The following GFOD1 variants were observed in gnomAD, a reference collection of about 807,000 sequenced individuals.
GFOD1 encodes Gfo/Idh/MocA-like oxidoreductase domain containing 1, also known as glucose-fructose oxidoreductase domain-containing protein 1.
Under a neutral mutation model 25.4 loss-of-function variants are expected in GFOD1, and 9 were observed. The ratio of observed to expected loss-of-function variants is 0.35; its 90% confidence interval spans 0.21 to 0.62. The LOEUF is 0.62. GFOD1 is among the 20% of genes least tolerant of loss of function. The pLI is 0.72. For missense variants in GFOD1, 403 were observed against 556.9 expected (o/e 0.72, Z 2.78); for synonymous variants, 253 against 245.6 (o/e 1.03, Z -0.28).
chr6:13,418,706 C>T (rs1466574681), intron 1 of GFOD1, among the ~76,000 whole-genome samples: 2 of 152,192 alleles, frequency 1.3e-5, no homozygotes, highest in East Asian at 3.8e-4. Flanking sequence ...AGCTGGCACA[C>T]ATCTTAGAAA....
intron 1 of GFOD1, among the ~76,000 whole-genome samples, chr6:13,414,109 T>A (rs1786124825): frequency 6.6e-6 from 1 of 152,188 alleles, no homozygotes; most frequent in Non-Finnish European, 1.5e-5. Flanking sequence ...GTAGGCTGCC[T>A]CTTCAGCAGA....
chr6:13,487,011 C>A lies in GFOD1; in HGVS notation c.-121G>T, dbSNP rs1758888326. On this transcript the variant is annotated 5_prime_UTR_variant, in exon 1 of 2. Coordinates refer to ENST00000379287, the MANE Select transcript of GFOD1 (RefSeq NM_018988.4). The surrounding 1 kb of genome is among the most constrained non-coding windows in gnomAD (Gnocchi z 4.9). ...AGCCAATCTAGCCGCGGTGCGCCAG[C>A]CGCCGTGCACCGGGCAAGGCGCCCG... 1.6e-6 allele frequency: 2 copies of A among 1,252,166 alleles called. No homozygotes were observed. Among genetic ancestry groups the A allele is most frequent in the East Asian group, 5.0e-5 (2 of 40,080 alleles). The allele number at this position is 1,252,166 out of a possible 1,614,324, so 77.6% of individuals were successfully genotyped here. A position where few individuals can be genotyped will look rare whatever the true frequency, so the allele number is the denominator to read the frequency against.
chr6:13,371,316 G>A (rs1264438590), intron 1 of GFOD1, among the ~76,000 whole-genome samples: 2 of 152,138 alleles, frequency 1.3e-5, no homozygotes, highest in African/African-American at 4.8e-5. Flanking sequence ...AGCCTAAGGA[G>A]GCCATCTGCA....
intron 1 of GFOD1, among the ~76,000 whole-genome samples, chr6:13,414,175 C>T (rs745839706): frequency 5.3e-5 from 8 of 152,380 alleles, no homozygotes; most frequent in Middle Eastern, 6.8e-3. Flanking sequence ...TAAGTACCCA[C>T]TAACAAGCTA....
chr6:13,366,963 CAG>C (rs2127554933), intron 1 of GFOD1, among the ~76,000 whole-genome samples: 1 of 151,656 alleles, frequency 6.6e-6, no homozygotes, highest in Non-Finnish European at 1.5e-5. Flanking sequence ...ACATTTTAAA[CAG>C]AAATAGATTT....
intron 1 of GFOD1, among the ~76,000 whole-genome samples, chr6:13,428,748 G>A (rs1179902736): frequency 6.6e-6 from 1 of 152,106 alleles, no homozygotes; most frequent in Non-Finnish European, 1.5e-5. Flanking sequence ...GTACTTCTGC[G>A]GCCACTCTCA....
chr6:13,368,369 G>C (rs1038027753), intron 1 of GFOD1, among the ~76,000 whole-genome samples: 2 of 152,180 alleles, frequency 1.3e-5, no homozygotes, highest in African/African-American at 4.8e-5. Flanking sequence ...GAGGACTGAG[G>C]CTCCGGCAGA....
chr6:13,477,706 G>GT (rs1273007554), intron 1 of GFOD1, among the ~76,000 whole-genome samples: 2 of 152,010 alleles, frequency 1.3e-5, no homozygotes, highest in Non-Finnish European at 2.9e-5. Context: ...TTCTTTCACT[G>GT]TTTTGCTATG....
At chr6:13,422,307 T>C (rs146451161) in intron 1 of GFOD1, among the ~76,000 whole-genome samples, 2 of 152,144 alleles carry the variant, frequency 1.3e-5, no homozygotes, top group Non-Finnish European at 2.9e-5. Flanking sequence ...TCCGAACGGA[T>C]TCTCAGGAGA....
chr6:13,428,198 A>T (rs148360523), intron 1 of GFOD1, among the ~76,000 whole-genome samples: 1 of 152,312 alleles, frequency 6.6e-6, no homozygotes, highest in Non-Finnish European at 1.5e-5. Flanking sequence ...TTAGAAAAGG[A>T]AAACCAACCC....
intron 1 of GFOD1, among the ~76,000 whole-genome samples, chr6:13,458,924 G>T (rs1758241649): frequency 6.6e-6 from 1 of 152,168 alleles, no homozygotes; most frequent in Admixed American, 6.5e-5. Flanking sequence ...AAGGCAGGTG[G>T]ACAGCAAGAA....
chr6:13,428,215 C>T lies in GFOD1; in HGVS notation c.253+58423G>A, dbSNP rs182941475. Among the ~76,000 whole-genome samples, 306 of 152,314 alleles carry T rather than the reference C, an allele frequency of 2.0e-3. 3 individuals carry two copies. The highest frequency in any genetic ancestry group is 6.1e-3 in the African/African-American group (254 of 41,564). Reference sequence around the variant, plus strand: ...AGAAAAGGAAAACCAACCCACTTTGCGGTCTCTCTGCGGTGTCTTTAGAAG... The same window carrying T: ...AGAAAAGGAAAACCAACCCACTTTGTGGTCTCTCTGCGGTGTCTTTAGAAG... On this transcript the variant is annotated intron_variant, in intron 1 of 1. Transcript: ENST00000379287.
At position 13,381,867 on chromosome 6, in the gene GFOD1, C is replaced by T. The variant is rs557336220; in HGVS notation, c.254-16205G>A. 3.3e-5 allele frequency among the ~76,000 whole-genome samples: 5 copies of T among 151,238 alleles called. No homozygotes were observed. In the South Asian group the frequency reaches 1.0e-3, roughly 32 times the overall value. ...TCACCATGCTCAATCACACTGAAGT[C>T]TAAAAGTGCCCCCTGGAGTAAGAGA... On this transcript the variant is annotated intron_variant, in intron 1 of 1. Transcript: ENST00000379287.
intron 1 of GFOD1, among the ~76,000 whole-genome samples, chr6:13,378,239 C>A (rs1029318919): frequency 6.6e-6 from 1 of 152,156 alleles, no homozygotes; most frequent in Non-Finnish European, 1.5e-5. Flanking sequence ...CCCAAAGCCC[C>A]GTGTTTTCCA....
chr6:13,367,747 C>A (rs1432451937), intron 1 of GFOD1, among the ~76,000 whole-genome samples: 1 of 146,868 alleles, frequency 6.8e-6, no homozygotes, highest in African/African-American at 2.6e-5. Context: ...GAGAAACAGC[C>A]AACTGGAGGG....
chr6:13,417,614 C>T (rs994038919), intron 1 of GFOD1, among the ~76,000 whole-genome samples: 1 of 152,214 alleles, frequency 6.6e-6, no homozygotes, highest in Non-Finnish European at 1.5e-5. Flanking sequence ...CTAGTACAGT[C>T]GGTGTAACCA....
At chr6:13,367,796 CA>C (rs1785075779) in intron 1 of GFOD1, among the ~76,000 whole-genome samples, 1 of 151,320 alleles carries the variant, frequency 6.6e-6, no homozygotes, top group South Asian at 2.1e-4. Flanking sequence ...GATTTGTTAG[CA>C]AGTCAGATAA....
At chr6:13,368,374 G>A (rs890904058) in intron 1 of GFOD1, among the ~76,000 whole-genome samples, 2 of 152,182 alleles carry the variant, frequency 1.3e-5, no homozygotes, top group Non-Finnish European at 2.9e-5. Flanking sequence ...CTGAGGCTCC[G>A]GCAGAGAGAT....
Position 13,365,503 on chromosome 6 carries a change from C to T in GFOD1, c.413G>A (p.Gly138Asp), listed in dbSNP as rs1376557417. Residue 138 changes from glycine (G) to aspartate (D), a missense_variant, in exon 2 of 2, where the codon GGC becomes GAC. By Grantham distance (94) the Gly-to-Asp change is moderately conservative (BLOSUM62 -1). Transcript: ENST00000379287. The surrounding 1 kb of genome is among the most constrained non-coding windows in gnomAD (Gnocchi z 9.2). ...FVRMKQLIEE[G>D]YVGEPLVCEV... The stretch of plus-strand genomic sequence containing the variant: ...ACACACCAGCGGCTCGCCCACGTAG[C>T]CCTCCTCGATCAGCTGCTTCATGCG... 6.2e-7 allele frequency: 1 copy of T among 1,613,138 alleles called. No homozygotes were observed. Among genetic ancestry groups the T allele is most frequent in the South Asian group, 1.1e-5 (1 of 91,090 alleles).
Sources: allele counts gnomAD v4.1 joint callset (sites outside exome capture counted in the v4.1 genomes callset), GRCh38; gene constraint gnomAD v4.1.1; non-coding constraint Gnocchi (gnomAD v3.1); transcripts MANE v1.5; gene names NCBI Gene and HGNC (gene_info 2026-07-23, HGNC 2026-07-21).